The following TMEM108 variants were observed in gnomAD, a reference collection of about 807,000 sequenced individuals.
TMEM108 encodes the protein transmembrane protein 108, also known as cancer/testis antigen 124.
TMEM108 carries 12 observed loss-of-function variants against 35.1 expected under a neutral mutation model. That is an observed-to-expected ratio of 0.34 (90% CI 0.22 to 0.55). The LOEUF (loss-of-function observed/expected upper bound fraction) is 0.55. TMEM108 is among the 20% of genes least tolerant of loss of function. The pLI, the probability that TMEM108 is intolerant of heterozygous loss-of-function variation, is 0.89. For missense variants in TMEM108, 680 were observed against 753.3 expected (o/e 0.90, Z 1.14); for synonymous variants, 287 against 308.6 (o/e 0.93, Z 0.73).
intron 3 of TMEM108, among the ~76,000 whole-genome samples, chr3:133,284,544 CTT>C (rs1309016014): frequency 6.6e-6 from 1 of 152,216 alleles, no homozygotes; most frequent in Non-Finnish European, 1.5e-5. Flanking sequence ...ACCTTGTCCT[CTT>C]TGCATAGGAT....
At chr3:133,138,157 A>G (rs1944591305) in intron 2 of TMEM108, among the ~76,000 whole-genome samples, 1 of 152,192 alleles carries the variant, frequency 6.6e-6, no homozygotes, top group African/African-American at 2.4e-5. Context: ...GTCACCCACA[A>G]AGAAAATAAA....
At chr3:133,125,642 A>G (rs996323658) in intron 2 of TMEM108, among the ~76,000 whole-genome samples, 1 of 152,304 alleles carries the variant, frequency 6.6e-6, no homozygotes, top group South Asian at 2.1e-4. Context: ...TTTAGAACAA[A>G]TGTTTTCTTT....
intron 2 of TMEM108, among the ~76,000 whole-genome samples, chr3:133,191,548 G>A (rs1945497704): frequency 6.6e-6 from 1 of 152,134 alleles, no homozygotes; most frequent in Non-Finnish European, 1.5e-5. Flanking sequence ...TCTGTTTAAT[G>A]TCATCTTCAC....
intron 1 of TMEM108, among the ~76,000 whole-genome samples, chr3:133,039,373 G>A (rs951826339): frequency 6.6e-6 from 1 of 152,106 alleles, no homozygotes; most frequent in African/African-American, 2.4e-5. Context: ...GGGAAGGCAG[G>A]GTCTAAACTA....
chr3:133,103,092 C>A (rs993162892), intron 2 of TMEM108, among the ~76,000 whole-genome samples: 4 of 152,070 alleles, frequency 2.6e-5, no homozygotes, highest in African/African-American at 9.7e-5. Context: ...AGGTATATAC[C>A]CAAAGGAATA....
intron 2 of TMEM108, among the ~76,000 whole-genome samples, chr3:133,154,385 A>G (rs1203845612): frequency 6.6e-6 from 1 of 152,044 alleles, no homozygotes; most frequent in Non-Finnish European, 1.5e-5. Context: ...CCTGAATGGT[A>G]TTGCCTAGGT....
At chr3:133,313,878 T>C (rs2071164843) in intron 3 of TMEM108, among the ~76,000 whole-genome samples, 1 of 152,138 alleles carries the variant, frequency 6.6e-6, no homozygotes, top group Non-Finnish European at 1.5e-5. Flanking sequence ...AGAGCATTTA[T>C]AATGGCATTA....
chr3:133,262,744 T>A (rs1332682839), intron 3 of TMEM108, among the ~76,000 whole-genome samples: 1 of 152,244 alleles, frequency 6.6e-6, no homozygotes, highest in Non-Finnish European at 1.5e-5. Context: ...AGGCGGGGGA[T>A]GCACACAAGA....
At chr3:133,076,559 G>C (rs1459346749) in intron 2 of TMEM108, among the ~76,000 whole-genome samples, 1 of 152,182 alleles carries the variant, frequency 6.6e-6, no homozygotes, top group African/African-American at 2.4e-5. Context: ...AATTGCAGAT[G>C]CAGTATGTGT....
intron 2 of TMEM108, among the ~76,000 whole-genome samples, chr3:133,072,935 T>C (rs1943693568): frequency 6.6e-6 from 1 of 152,172 alleles, no homozygotes; most frequent in African/African-American, 2.4e-5. Flanking sequence ...TGGCTTCTTT[T>C]ACTTAGCAAA....
chr3:133,112,482 T>C (rs1944237824), intron 2 of TMEM108, among the ~76,000 whole-genome samples: 1 of 152,180 alleles, frequency 6.6e-6, no homozygotes, highest in Admixed American at 6.5e-5. Flanking sequence ...TCTATTATTA[T>C]AAAGAAACTT....
At chr3:133,093,270 C>T (rs562290747) in intron 2 of TMEM108, among the ~76,000 whole-genome samples, 15 of 152,242 alleles carry the variant, frequency 9.9e-5, no homozygotes, top group Admixed American at 2.6e-4. Flanking sequence ...GGATTACAGG[C>T]GTGAGCCACC....
At chr3:133,112,185 T>C (rs545304791) in intron 2 of TMEM108, among the ~76,000 whole-genome samples, 2 of 152,134 alleles carry the variant, frequency 1.3e-5, no homozygotes, top group East Asian at 1.9e-4. Context: ...AGAATGGTAA[T>C]AAGAAGTTAA....
intron 2 of TMEM108, among the ~76,000 whole-genome samples, chr3:133,210,900 G>A (rs1945826307): frequency 6.6e-6 from 1 of 152,110 alleles, no homozygotes; most frequent in Non-Finnish European, 1.5e-5. Flanking sequence ...GGAACCACTT[G>A]ACATAAATGA....
rs188095770 is a variant in TMEM108 at position 133,294,696 on chromosome 3, A to C, written c.40+65345A>C. On this transcript the variant is annotated intron_variant, in intron 3 of 5. Coordinates refer to ENST00000321871, the MANE Select transcript of TMEM108 (RefSeq NM_023943.4). ...GGAAACTAATTAAAACTAAATGCAC[A>C]TTAGCTTTTATTAAATGGCTGCTAC... 1.4e-3 allele frequency among the ~76,000 whole-genome samples: 206 copies of C among 152,348 alleles called. 2 individuals carry two copies. The highest frequency in any genetic ancestry group is 0.012 in the East Asian group (63 of 5,186).
chr3:133,123,202 C>A (rs192755435), intron 2 of TMEM108, among the ~76,000 whole-genome samples: 28 of 152,280 alleles, frequency 1.8e-4, no homozygotes, highest in Admixed American at 1.4e-3. Context: ...ATATTGTATT[C>A]CATTGCATTG....
intron 2 of TMEM108, among the ~76,000 whole-genome samples, chr3:133,063,158 G>A (rs946484830): frequency 6.6e-6 from 1 of 152,106 alleles, no homozygotes; most frequent in African/African-American, 2.4e-5. Context: ...GCTAAGAAGT[G>A]GTGTGTGACC....
chr3:133,387,497 C>T, intron 4 of TMEM108: 8 of 985,472 alleles, frequency 8.1e-6, no homozygotes, highest in Non-Finnish European at 9.6e-6. Flanking sequence ...AGGGCAGGAT[C>T]TCTGCATCTG....
chr3:133,241,767 A>G (rs956722072), intron 3 of TMEM108, among the ~76,000 whole-genome samples: 1 of 151,950 alleles, frequency 6.6e-6, no homozygotes. Context: ...GGTGCACGCC[A>G]CCACGCCCAG....
Sources: gnomAD v4.1 joint callset for allele counts (sites outside exome capture counted in the v4.1 genomes callset) on GRCh38, gnomAD v4.1.1 for gene constraint, MANE v1.5 for transcripts, NCBI Gene and HGNC (gene_info 2026-07-23, HGNC 2026-07-21) for gene names.